Variants in CFAP47 observed in about 807,000 individuals in gnomAD.
CFAP47 encodes the protein cilia and flagella associated protein 47.
In CFAP47, 29 loss-of-function variants were observed where a neutral mutation model predicts 148.1. The observed-to-expected ratio is 0.20, with a 90% CI of 0.15 to 0.27. The LOEUF is 0.27. CFAP47 is among the 10% of genes least tolerant of loss of function. The probability of loss-of-function intolerance (pLI) is 1.00; values close to 1 mark genes in which losing one functional copy is unlikely to be tolerated. For missense variants in CFAP47, 1,872 were observed against 1,697.5 expected (o/e 1.10, Z -1.81); for synonymous variants, 664 against 577.3 (o/e 1.15, Z -2.15).
intron 33 of CFAP47, among the ~76,000 whole-genome samples, chrX:36,119,884 T>C (rs1349401881): frequency 8.9e-6 from 1 of 111,853 alleles, no homozygotes; most frequent in African/African-American, 3.2e-5. Context: ...TTTTGAGTTG[T>C]TGTGGTATCA....
At chrX:36,100,383 C>T (rs1938353879) in intron 32 of CFAP47, among the ~76,000 whole-genome samples, 1 of 112,059 alleles carries the variant, frequency 8.9e-6, no homozygotes, top group South Asian at 3.7e-4. Context: ...AAACTATATT[C>T]ACTAAGATTC....
intron 21 of CFAP47, among the ~76,000 whole-genome samples, chrX:36,012,043 T>A (rs1429952954): frequency 6.3e-5 from 7 of 111,634 alleles, no homozygotes; most frequent in African/African-American, 2.3e-4. Context: ...AAGACATTTA[T>A]GTGGCCAGCA....
chrX:36,145,148 A>G (rs1939215803), intron 35 of CFAP47, 71 bp from the exon 36 acceptor site: 2 of 299,666 alleles, frequency 6.7e-6, no homozygotes, highest in Non-Finnish European at 1.2e-5. Context: ...TATATATCCT[A>G]TTGGTTCTCT....
At chrX:36,124,355 G>A (rs1451431426) in intron 33 of CFAP47, among the ~76,000 whole-genome samples, 1 of 111,321 alleles carries the variant, frequency 9.0e-6, no homozygotes, top group African/African-American at 3.3e-5. Flanking sequence ...GGGAGTTCCC[G>A]TCCTTGTGGC....
chrX:36,042,351 A>C (rs1359601073), intron 25 of CFAP47, among the ~76,000 whole-genome samples: 1 of 111,686 alleles, frequency 9.0e-6, no homozygotes, highest in Non-Finnish European at 1.9e-5. Flanking sequence ...ATAAAACTCA[A>C]AACTGTCATT....
chrX:36,232,299 T>A (rs1303276979), intron 46 of CFAP47, among the ~76,000 whole-genome samples: 1 of 112,006 alleles, frequency 8.9e-6, no homozygotes, highest in African/African-American at 3.3e-5. Flanking sequence ...GAGCCTGTTA[T>A]CGGTCTATTC....
intron 49 of CFAP47, among the ~76,000 whole-genome samples, chrX:36,257,388 T>A (rs193234211): frequency 6.3e-4 from 70 of 111,239 alleles, no homozygotes; most frequent in East Asian, 5.4e-3. Flanking sequence ...CTCCAAACAT[T>A]ACACAACAAG....
intron 60 of CFAP47, among the ~76,000 whole-genome samples, chrX:36,354,970 T>G (rs1224465819): frequency 9.0e-6 from 1 of 111,214 alleles, no homozygotes; most frequent in Non-Finnish European, 1.9e-5. Flanking sequence ...AGAAAACATT[T>G]GCAACCCATA....
chrX:36,275,542 TC>T (rs1405665829), intron 49 of CFAP47, among the ~76,000 whole-genome samples: 1 of 110,255 alleles, frequency 9.1e-6, no homozygotes, highest in Non-Finnish European at 1.9e-5. Context: ...GAAATTAATT[TC>T]ATTTGATCAT....
chrX:36,101,181 G>A (rs1938370062), intron 32 of CFAP47, among the ~76,000 whole-genome samples: 3 of 112,067 alleles, frequency 2.7e-5, no homozygotes, highest in Admixed American at 1.9e-4. Context: ...TAGTCATATA[G>A]GGCCTACTCT....
At chrX:36,296,549 C>T (rs1941244124) in intron 51 of CFAP47, among the ~76,000 whole-genome samples, 1 of 111,987 alleles carries the variant, frequency 8.9e-6, no homozygotes, top group Non-Finnish European at 1.9e-5. Context: ...TTGTGATATG[C>T]GTATGTGAAC....
intron 33 of CFAP47, among the ~76,000 whole-genome samples, chrX:36,125,270 G>C (rs192689842): frequency 9.0e-6 from 1 of 111,435 alleles, no homozygotes. Context: ...CTAGGGATTA[G>C]AGATGTAGTA....
intron 57 of CFAP47, among the ~76,000 whole-genome samples, chrX:36,324,343 A>C (rs1197052750): frequency 1.5e-4 from 17 of 111,717 alleles, no homozygotes; most frequent in African/African-American, 5.5e-4. Flanking sequence ...GAGGTTTAGC[A>C]TTATTACATC....
chrX:35,962,926 GGTGTGTGTGTGTGTGTGTGTGTGT>G (rs59734260), intron 8 of CFAP47, among the ~76,000 whole-genome samples: 4 of 90,791 alleles, frequency 4.4e-5, no homozygotes, highest in Non-Finnish European at 6.6e-5. Flanking sequence ...AATAAAATGT[GGTGTGTGTGTGTGTGTGTGTGTGT>G]GTGTGTGTGT....
chrX:36,335,801 G>A (rs1407834364), intron 57 of CFAP47, among the ~76,000 whole-genome samples: 5 of 111,553 alleles, frequency 4.5e-5, no homozygotes, highest in Non-Finnish European at 9.4e-5. Flanking sequence ...ATTAATATAA[G>A]TATTCTGATT....
chrX:36,301,876 G>A (rs1244171828), intron 53 of CFAP47, among the ~76,000 whole-genome samples: 1 of 110,333 alleles, frequency 9.1e-6, no homozygotes, highest in Non-Finnish European at 1.9e-5. Context: ...TGGTAAATAG[G>A]GGTAAACAAG....
intron 44 of CFAP47, among the ~76,000 whole-genome samples, chrX:36,204,558 T>TC (rs1397787246): frequency 5.4e-5 from 6 of 111,220 alleles, no homozygotes; most frequent in African/African-American, 2.0e-4. Flanking sequence ...TGCACATGTA[T>TC]CCTAAAACTT....
intron 35 of CFAP47, chrX:36,144,686 GA>G (rs780610481): frequency 9.7e-7 from 1 of 1,025,879 alleles, no homozygotes; most frequent in East Asian, 6.1e-5. Flanking sequence ...CAAAGAGACA[GA>G]AGAAGGGGGA....
chrX:35,931,146 A>C lies in CFAP47; in HGVS notation c.401+4978A>C, dbSNP rs1057142702. ...TATTTTGACTCAATTCTATGTATTT[A>C]ATTTTTTTTAAAGTTTCTCTTTGAC... On this transcript the variant is annotated intron_variant, in intron 2 of 63. Coordinates refer to ENST00000378653, the MANE Select transcript of CFAP47 (RefSeq NM_001304548.2). Among the ~76,000 whole-genome samples, 6 of 111,111 alleles carry C rather than the reference A, an allele frequency of 5.4e-5. No homozygotes were observed. In the Admixed American group the frequency reaches 5.8e-4, roughly 11 times the overall value.
Sources: allele counts gnomAD v4.1 joint callset (sites outside exome capture counted in the v4.1 genomes callset), GRCh38; gene constraint gnomAD v4.1.1; transcripts MANE v1.5; gene names NCBI Gene and HGNC (gene_info 2026-07-23, HGNC 2026-07-21).